Variants in MARCHF1 observed in about 807,000 individuals in gnomAD.
MARCHF1 encodes membrane associated ring-CH-type finger 1, also known as E3 ubiquitin-protein ligase MARCHF1.
In MARCHF1, 40 loss-of-function variants were observed where a neutral mutation model predicts 54.2. The observed-to-expected ratio is 0.74, with a 90% CI of 0.57 to 0.96. MARCHF1 has a LOEUF of 0.96. Among genes scored for constraint, MARCHF1 ranks in the 40% least tolerant of loss-of-function variants. The pLI is 0.00. For synonymous variants in MARCHF1, 236 were observed against 236.3 expected, an observed-to-expected ratio of 1.00 and a Z score of 0.01; for missense variants, 586 against 656.5, an observed-to-expected ratio of 0.89 and a Z score of 1.17.
chr4:164,215,482 A>G (rs1210395504), intron 1 of MARCHF1, among the ~76,000 whole-genome samples: 1 of 152,060 alleles, frequency 6.6e-6, no homozygotes, highest in East Asian at 1.9e-4. Context: ...GAAATGCAAC[A>G]TTTGGGCAGG....
intron 3 of MARCHF1, among the ~76,000 whole-genome samples, chr4:163,937,478 T>C (rs565247913): frequency 6.6e-6 from 1 of 151,738 alleles, no homozygotes; most frequent in East Asian, 1.9e-4. Context: ...TCAGTGGTTT[T>C]ACATATATAA....
intron 9 of MARCHF1, among the ~76,000 whole-genome samples, chr4:163,539,592 G>A (rs942892507): frequency 4.6e-5 from 7 of 152,096 alleles, no homozygotes; most frequent in African/African-American, 1.7e-4. Flanking sequence ...TATAAGTTTA[G>A]GGTGTCCCAG....
intron 1 of MARCHF1, among the ~76,000 whole-genome samples, chr4:164,360,726 T>C (rs1008092078): frequency 3.3e-5 from 5 of 152,108 alleles, no homozygotes; most frequent in Admixed American, 1.3e-4. Flanking sequence ...TGCAGCACTG[T>C]TCTCTCTGCT....
At chr4:163,694,768 T>C (rs1328808602) in intron 5 of MARCHF1, among the ~76,000 whole-genome samples, 1 of 152,166 alleles carries the variant, frequency 6.6e-6, no homozygotes, top group Non-Finnish European at 1.5e-5. Context: ...TGTTGGGCTA[T>C]TGATTATATA....
At chr4:163,912,676 C>G (rs909984418) in intron 3 of MARCHF1, among the ~76,000 whole-genome samples, 4 of 152,102 alleles carry the variant, frequency 2.6e-5, no homozygotes, top group Non-Finnish European at 5.9e-5. Context: ...ATTTCTTCTT[C>G]TTGTTTGTGA....
chr4:163,670,273 G>A (rs1039581558), intron 5 of MARCHF1, among the ~76,000 whole-genome samples: 1 of 151,866 alleles, frequency 6.6e-6, no homozygotes, highest in Non-Finnish European at 1.5e-5. Flanking sequence ...GCCATGGGGG[G>A]AGAGAGAGAT....
At chr4:164,241,677 G>C (rs926609295) in intron 1 of MARCHF1, among the ~76,000 whole-genome samples, 1 of 151,918 alleles carries the variant, frequency 6.6e-6, no homozygotes, top group Non-Finnish European at 1.5e-5. Flanking sequence ...CGTGAGCTAC[G>C]CAGAAGACGG....
chr4:163,669,482 A>G (rs1007887191), intron 5 of MARCHF1, among the ~76,000 whole-genome samples: 3 of 152,092 alleles, frequency 2.0e-5, no homozygotes, highest in African/African-American at 7.2e-5. Flanking sequence ...AGCAGGGTGT[A>G]TTTTCCAGGA....
At position 163,948,644 on chromosome 4, in the gene MARCHF1, G is replaced by A. The variant is rs192034143; in HGVS notation, c.-39+39857C>T. Reference sequence around the variant, plus strand: ...TATGAGCAGGATGCAGTTAAATACAGGAGAGGAGAGAAGCCATTCTAAATG... The same window carrying A: ...TATGAGCAGGATGCAGTTAAATACAAGAGAGGAGAGAAGCCATTCTAAATG... On this transcript the variant is annotated intron_variant, in intron 3 of 9. Coordinates refer to ENST00000514618, the MANE Select transcript of MARCHF1 (RefSeq NM_001394959.1). Among the ~76,000 whole-genome samples the A allele has an allele frequency of 3.1e-4, 47 of 152,192 alleles. No individual in the cohort carries two copies. In the East Asian group the frequency reaches 6.6e-3, roughly 21 times the overall value.
intron 9 of MARCHF1, among the ~76,000 whole-genome samples, chr4:163,539,926 A>T (rs971573660): frequency 7.9e-5 from 12 of 152,282 alleles, no homozygotes; most frequent in Middle Eastern, 3.4e-3. Flanking sequence ...TGTTTCTCTG[A>T]AAATATATTT....
At chr4:163,733,193 A>ATATATATATATATACACGTG (rs1745902966) in intron 4 of MARCHF1, among the ~76,000 whole-genome samples, 5 of 21,784 alleles carry the variant, frequency 2.3e-4, no homozygotes, top group African/African-American at 7.4e-4. Flanking sequence ...ATATATATAT[A>ATATATATATATATACACGTG]TATATATATA....
At chr4:163,766,237 G>C (rs1746973755) in intron 4 of MARCHF1, among the ~76,000 whole-genome samples, 1 of 151,942 alleles carries the variant, frequency 6.6e-6, no homozygotes, top group Non-Finnish European at 1.5e-5. Context: ...CTCACTGGTA[G>C]AAACTAAAGG....
intron 2 of MARCHF1, among the ~76,000 whole-genome samples, chr4:164,101,288 G>A (rs1039804800): frequency 4.0e-5 from 6 of 151,538 alleles, no homozygotes; most frequent in African/African-American, 1.5e-4. Flanking sequence ...GCCTGCCTCT[G>A]TAGGCTCCAC....
intron 8 of MARCHF1, among the ~76,000 whole-genome samples, chr4:163,579,034 AT>A (rs1330697486): frequency 2.6e-5 from 4 of 152,168 alleles, no homozygotes; most frequent in African/African-American, 9.7e-5. Flanking sequence ...AGAGAAGAAT[AT>A]TTCTATCTGA....
chr4:163,886,147 A>AGATC (rs1341544564), intron 3 of MARCHF1, among the ~76,000 whole-genome samples: 3 of 149,206 alleles, frequency 2.0e-5, no homozygotes, highest in African/African-American at 7.4e-5. Flanking sequence ...ATCTATAAAT[A>AGATC]TGTAGATCTA....
At chr4:164,189,135 G>C in intron 1 of MARCHF1, 1 of 638,638 alleles carries the variant, frequency 1.6e-6, no homozygotes, top group Non-Finnish European at 2.9e-6. Flanking sequence ...ATACTCATCT[G>C]CGTGCAGAAG....
chr4:164,228,999 G>C (rs1732333428), intron 1 of MARCHF1, among the ~76,000 whole-genome samples: 1 of 152,272 alleles, frequency 6.6e-6, no homozygotes, highest in East Asian at 1.9e-4. Flanking sequence ...CTAAGGCAGG[G>C]GCGTCTGTAT....
Position 164,337,438 on chromosome 4 carries a change from G to T in MARCHF1, c.-323+46432C>A, listed in dbSNP as rs79583382. Among the ~76,000 whole-genome samples, 817 of 152,358 alleles carry T rather than the reference G, an allele frequency of 5.4e-3. 11 individuals are homozygous for T. The highest frequency in any genetic ancestry group is 0.019 in the African/African-American group (775 of 41,598). ...GGAGAAGTGACAGTGTGATGAGTGA[G>T]CACCTGGTTCCCTCAGCTATGCAGA... On this transcript the variant is annotated intron_variant, in intron 1 of 9. Transcript: ENST00000514618.
At chr4:163,680,957 T>C (rs953139665) in intron 5 of MARCHF1, among the ~76,000 whole-genome samples, 1 of 151,006 alleles carries the variant, frequency 6.6e-6, no homozygotes, top group African/African-American at 2.4e-5. Flanking sequence ...CATACACACA[T>C]ATATATTATT....
Sources: gnomAD v4.1 joint callset for allele counts (sites outside exome capture counted in the v4.1 genomes callset) on GRCh38, gnomAD v4.1.1 for gene constraint, MANE v1.5 for transcripts, NCBI Gene and HGNC (gene_info 2026-07-23, HGNC 2026-07-21) for gene names.